The following ARL15 variants were observed in gnomAD, a reference collection of about 807,000 sequenced individuals.
ARL15 encodes the protein ADP-ribosylation factor-like protein 15.
A neutral mutation model predicts 25.2 loss-of-function variants in ARL15; 19 were observed. The observed-to-expected ratio is 0.75, with a 90% confidence interval of 0.53 to 1.10. The LOEUF (loss-of-function observed/expected upper bound fraction) is 1.10. ARL15 is among the 50% of genes least tolerant of loss of function. The probability of loss-of-function intolerance (pLI) is 0.00; values close to 1 mark genes in which losing one functional copy is unlikely to be tolerated. For synonymous variants in ARL15, 94 were observed against 86.8 expected (o/e 1.08, Z -0.46); for missense variants, 220 against 246.0 (o/e 0.89, Z 0.71).
intron 4 of ARL15, among the ~76,000 whole-genome samples, chr5:53,902,638 T>C (rs960505673): frequency 6.6e-6 from 1 of 152,172 alleles, no homozygotes; most frequent in African/African-American, 2.4e-5. Flanking sequence ...CGACAACATT[T>C]AGATGCTGGA....
At chr5:54,207,378 G>A (rs1755900130) in intron 1 of ARL15, among the ~76,000 whole-genome samples, 1 of 152,134 alleles carries the variant, frequency 6.6e-6, no homozygotes, top group African/African-American at 2.4e-5. Context: ...TCTAAACACA[G>A]ACAGAGCATG....
intron 3 of ARL15, among the ~76,000 whole-genome samples, chr5:54,121,539 A>C (rs1442543581): frequency 1.3e-5 from 2 of 152,232 alleles, no homozygotes; most frequent in East Asian, 3.8e-4. Context: ...TTTATAACTC[A>C]TAAATAAATT....
intron 4 of ARL15, among the ~76,000 whole-genome samples, chr5:54,071,979 G>GAAAAAAAAAAAAAAAAAAAAAAAAAAA: frequency 7.9e-6 from 1 of 126,176 alleles, no homozygotes; most frequent in Non-Finnish European, 1.6e-5. Flanking sequence ...CTCAAAAAAA[G>GAAAAAAAAAAAAAAAAAAAAAAAAAAA]AAAAAAAAAA....
At chr5:54,124,486 C>A (rs537754765) in intron 3 of ARL15, among the ~76,000 whole-genome samples, 1 of 152,040 alleles carries the variant, frequency 6.6e-6, no homozygotes, top group Non-Finnish European at 1.5e-5. Flanking sequence ...CATTATCTAC[C>A]ACACCTCCAC....
At chr5:54,281,107 C>A (rs1758051259) in intron 1 of ARL15, among the ~76,000 whole-genome samples, 1 of 152,082 alleles carries the variant, frequency 6.6e-6, no homozygotes, top group African/African-American at 2.4e-5. Context: ...ACTGTGCGCT[C>A]ACCATTCAAG....
Position 54,079,962 on chromosome 5 carries a change from C to T in ARL15, c.462+33240G>A, listed in dbSNP as rs573140167. ...TCCAGCCTCGGTGACAAGAGTGAGA[C>T]TCCGTCACACACACACACACACACA... On this transcript the variant is annotated intron_variant, in intron 4 of 4. Transcript: ENST00000504924. Among the ~76,000 whole-genome samples, 119 of 136,216 alleles carry T rather than the reference C, an allele frequency of 8.7e-4. 1 individual carries two copies. The highest frequency in any genetic ancestry group is 3.2e-3 in the African/African-American group (112 of 35,016). The allele number at this position is 136,216 out of a possible 152,430, so 89.4% of individuals were successfully genotyped here. A position where few individuals can be genotyped will look rare whatever the true frequency, so the allele number is the denominator to read the frequency against.
chr5:54,016,154 G>T (rs1284909396), intron 4 of ARL15, among the ~76,000 whole-genome samples: 4 of 152,108 alleles, frequency 2.6e-5, no homozygotes, highest in African/African-American at 9.7e-5. Flanking sequence ...TCTGTCTTCT[G>T]TCAGTTCATG....
At chr5:54,292,446 C>T (rs909012583) in intron 1 of ARL15, among the ~76,000 whole-genome samples, 1 of 152,268 alleles carries the variant, frequency 6.6e-6, no homozygotes, top group East Asian at 1.9e-4. Context: ...TATCAGCAAG[C>T]GGATCTCTCC....
chr5:54,163,959 CCCTA>C (rs752745108), intron 2 of ARL15, among the ~76,000 whole-genome samples: 1 of 151,856 alleles, frequency 6.6e-6, no homozygotes, highest in Non-Finnish European at 1.5e-5. Flanking sequence ...TCTTCCAGTT[CCCTA>C]AGGTGGAAGC....
At chr5:53,949,126 T>C (rs1746857517) in intron 4 of ARL15, among the ~76,000 whole-genome samples, 1 of 152,160 alleles carries the variant, frequency 6.6e-6, no homozygotes, top group Admixed American at 6.5e-5. Context: ...TTGATAAACA[T>C]CAGTTAGATA....
intron 4 of ARL15, among the ~76,000 whole-genome samples, chr5:54,066,593 C>G (rs1303997929): frequency 6.6e-6 from 1 of 152,060 alleles, no homozygotes; most frequent in Non-Finnish European, 1.5e-5. Context: ...GGACTTTGAT[C>G]CTCAGGGGAC....
intron 1 of ARL15, among the ~76,000 whole-genome samples, chr5:54,268,331 C>G (rs1231357387): frequency 2.0e-5 from 3 of 152,120 alleles, no homozygotes; most frequent in Non-Finnish European, 4.4e-5. Context: ...CTCCTTTAAG[C>G]ACTTCTCTGT....
chr5:54,043,684 C>A (rs1750413201), intron 4 of ARL15, among the ~76,000 whole-genome samples: 1 of 152,048 alleles, frequency 6.6e-6, no homozygotes, highest in African/African-American at 2.4e-5. Flanking sequence ...CACCATCAGG[C>A]ATATTGCATA....
At chr5:54,117,238 T>A (rs1752929110) in intron 3 of ARL15, among the ~76,000 whole-genome samples, 1 of 152,116 alleles carries the variant, frequency 6.6e-6, no homozygotes, top group African/African-American at 2.4e-5. Context: ...CATGTTTTAC[T>A]AGAGCTTGTC....
chr5:54,008,282 T>C (rs1191123974), intron 4 of ARL15, among the ~76,000 whole-genome samples: 2 of 152,146 alleles, frequency 1.3e-5, no homozygotes, highest in Non-Finnish European at 1.5e-5. Context: ...TTAATAAATA[T>C]CAGGCAGACT....
intron 4 of ARL15, among the ~76,000 whole-genome samples, chr5:53,939,403 G>A (rs1382610600): frequency 2.0e-5 from 3 of 152,054 alleles, no homozygotes; most frequent in African/African-American, 4.8e-5. Flanking sequence ...TTGGACTGAC[G>A]AAAATATTCA....
chr5:54,136,553 C>T (rs1354295382), intron 3 of ARL15, among the ~76,000 whole-genome samples: 1 of 151,910 alleles, frequency 6.6e-6, no homozygotes, highest in Admixed American at 6.6e-5. Context: ...GCAAACTGAT[C>T]TTTTAACAGA....
Position 54,032,599 on chromosome 5 carries a change from CA to C in ARL15, c.462+80602del, listed in dbSNP as rs34957256. Among the ~76,000 whole-genome samples, 508 of 142,600 alleles carry C rather than the reference CA, an allele frequency of 3.6e-3. 1 individual carries two copies. Among genetic ancestry groups the C allele is most frequent in the African/African-American group, 9.8e-3 (388 of 39,776 alleles). 93.6% of individuals were successfully genotyped at this position (142,600 alleles called of 152,430 possible). On this transcript the variant is annotated intron_variant, in intron 4 of 4. Coordinates refer to ENST00000504924, the MANE Select transcript of ARL15 (RefSeq NM_019087.3). The stretch of plus-strand genomic sequence containing the variant: ...ACATATTACATGCCAGGTACAATGA[CA>C]AAAAAAAAAATGTGACAGGCAAGAG...
In ARL15 at chr5:54,085,546, T is replaced by A. The variant is rs374304230; in HGVS notation, c.462+27656A>T. On this transcript the variant is annotated intron_variant, in intron 4 of 4. Coordinates refer to ENST00000504924, the MANE Select transcript of ARL15 (RefSeq NM_019087.3). Reference sequence around the variant, plus strand: ...ACAGACTAAAATTGCCAGTTGGTGATGAATTAGGGAGGAAACATGGGTATT... The same window carrying A: ...ACAGACTAAAATTGCCAGTTGGTGAAGAATTAGGGAGGAAACATGGGTATT... Among the ~76,000 whole-genome samples the A allele has an allele frequency of 2.2e-4, 34 of 152,338 alleles. No individual in the cohort carries two copies. In the East Asian group the frequency reaches 5.4e-3, roughly 24 times the overall value.
Sources: gnomAD v4.1 joint callset for allele counts (sites outside exome capture counted in the v4.1 genomes callset) on GRCh38, gnomAD v4.1.1 for gene constraint, MANE v1.5 for transcripts, NCBI Gene and HGNC (gene_info 2026-07-23, HGNC 2026-07-21) for gene names.